The following GFRA1 variants were observed in gnomAD, a reference collection of about 807,000 sequenced individuals.
The protein encoded by GFRA1 is GDNF family receptor alpha 1, also known as GDNF family receptor alpha-1.
GFRA1 carries 16 observed loss-of-function variants against 51.6 expected under a neutral mutation model. The observed-to-expected ratio is 0.31, with a 90% CI of 0.21 to 0.47. The LOEUF (loss-of-function observed/expected upper bound fraction) is 0.47. Among genes scored for constraint, GFRA1 ranks in the 20% least tolerant of loss-of-function variants. The probability of loss-of-function intolerance (pLI) is 1.00; values close to 1 mark genes in which losing one functional copy is unlikely to be tolerated. For synonymous variants in GFRA1, 270 were observed against 241.3 expected (o/e 1.12, Z -1.10); for missense variants, 530 against 594.3 (o/e 0.89, Z 1.13).
chr10:116,240,041 T>A (rs1967225766), intron 4 of GFRA1, among the ~76,000 whole-genome samples: 1 of 152,056 alleles, frequency 6.6e-6, no homozygotes, highest in African/African-American at 2.4e-5. Context: ...TACAAGCAGG[T>A]GTTCGTCGAT....
chr10:116,072,332 T>A (rs183489684), intron 9 of GFRA1, among the ~76,000 whole-genome samples: 2 of 152,270 alleles, frequency 1.3e-5, no homozygotes, highest in East Asian at 3.9e-4. Flanking sequence ...TCTTGTGCAG[T>A]AGCCAGTATG....
chr10:116,184,571 C>T (rs559395778), intron 5 of GFRA1, among the ~76,000 whole-genome samples: 1 of 152,274 alleles, frequency 6.6e-6, no homozygotes, highest in African/African-American at 2.4e-5. Context: ...ATCTGGCCAC[C>T]AGAAAAAGCT....
chr10:116,068,758 A>G (rs886939595), intron 9 of GFRA1, among the ~76,000 whole-genome samples: 1 of 152,242 alleles, frequency 6.6e-6, no homozygotes, highest in African/African-American at 2.4e-5. Context: ...CATTTCTGAA[A>G]ACATCATCAA....
chr10:116,086,651 G>T (rs1173580621), intron 9 of GFRA1, among the ~76,000 whole-genome samples: 2 of 152,158 alleles, frequency 1.3e-5, no homozygotes, highest in Non-Finnish European at 2.9e-5. Context: ...GGCTCCCTGG[G>T]AGTCAAATGC....
intron 5 of GFRA1, among the ~76,000 whole-genome samples, chr10:116,147,311 G>A (rs1251024443): frequency 2.6e-5 from 4 of 152,134 alleles, no homozygotes; most frequent in Non-Finnish European, 5.9e-5. Flanking sequence ...CCTAGGGGGA[G>A]GGGAGTAGTA....
At chr10:116,133,942 AG>A (rs1358709802) in intron 5 of GFRA1, among the ~76,000 whole-genome samples, 1 of 152,218 alleles carries the variant, frequency 6.6e-6, no homozygotes, top group East Asian at 1.9e-4. Context: ...CCCAAGTAAG[AG>A]GCTATCACTG....
intron 5 of GFRA1, among the ~76,000 whole-genome samples, chr10:116,174,970 G>A (rs1471538011): frequency 1.3e-5 from 2 of 152,146 alleles, no homozygotes; most frequent in African/African-American, 2.4e-5. Flanking sequence ...GATCCTGCCT[G>A]CAAATGCGCT....
At chr10:116,200,101 T>C (rs905263339) in intron 5 of GFRA1, among the ~76,000 whole-genome samples, 53 of 152,362 alleles carry the variant, frequency 3.5e-4, no homozygotes, top group Non-Finnish European at 1.9e-4. Context: ...TCACAGTTTG[T>C]CCTTTCTCCT....
At position 116,121,358 on chromosome 10, in the gene GFRA1, C is replaced by G. The variant is rs184854524; in HGVS notation, c.770+3863G>C. 7.0e-4 allele frequency among the ~76,000 whole-genome samples: 107 copies of G among 152,252 alleles called. 1 individual carries two copies. The East Asian group carries it at 0.011, about 16-fold the overall frequency. ...CCTTCTAATAATACCTCTGCATTTG[C>G]TTTTCTGTAGACAAGCTTGGAGGCC... On this transcript the variant is annotated intron_variant, in intron 6 of 10. Transcript: ENST00000355422.
intron 4 of GFRA1, among the ~76,000 whole-genome samples, chr10:116,259,324 C>T (rs200875092): frequency 4.2e-4 from 60 of 143,908 alleles, no homozygotes; most frequent in African/African-American, 1.5e-3. Flanking sequence ...CTATGTATTC[C>T]TTTTTTTTTT....
At chr10:116,265,430 A>C (rs573636871) in intron 4 of GFRA1, among the ~76,000 whole-genome samples, 1 of 152,320 alleles carries the variant, frequency 6.6e-6, no homozygotes, top group Middle Eastern at 3.4e-3. Context: ...CTTGCTGCCA[A>C]AGAGGTGCTT....
At chr10:116,258,030 T>C (rs994364622) in intron 4 of GFRA1, among the ~76,000 whole-genome samples, 1 of 152,184 alleles carries the variant, frequency 6.6e-6, no homozygotes, top group Non-Finnish European at 1.5e-5. Flanking sequence ...GCAAGCCTTC[T>C]CTGACCGGCA....
intron 3 of GFRA1, 113 bp from the exon 4 acceptor site, chr10:116,269,699 G>A (rs1969946885): frequency 2.9e-5 from 21 of 721,298 alleles, no homozygotes; most frequent in Admixed American, 1.0e-4. Flanking sequence ...AAAAGACGCT[G>A]AAACTTTGAA....
At chr10:116,263,576 T>C (rs1431441063) in intron 4 of GFRA1, among the ~76,000 whole-genome samples, 10 of 152,178 alleles carry the variant, frequency 6.6e-5, no homozygotes, top group Admixed American at 2.0e-4. Flanking sequence ...CCCAGAGTGC[T>C]AGTAGAACGG....
intron 6 of GFRA1, among the ~76,000 whole-genome samples, chr10:116,100,272 C>T (rs2133924511): frequency 6.6e-6 from 1 of 152,322 alleles, no homozygotes; most frequent in African/African-American, 2.4e-5. Context: ...TGTATTCATA[C>T]ATTGGATTCT....
rs189169301 is a variant in GFRA1, at chr10:116,242,946, A to G, written c.418+26557T>C. On this transcript the variant is annotated intron_variant, in intron 4 of 10. Transcript: ENST00000355422. ...TGAAATTCCTACAACAGTCAAGTAA[A>G]TTAATATATCCATCTGTTTTCTCAA... 5.3e-5 allele frequency among the ~76,000 whole-genome samples: 8 copies of G among 152,320 alleles called. No individual in the cohort carries two copies. The East Asian group carries it at 1.5e-3, about 29-fold the overall frequency.
At chr10:116,205,970 A>ACACG (rs1555167784) in intron 5 of GFRA1, among the ~76,000 whole-genome samples, 6 of 149,564 alleles carry the variant, frequency 4.0e-5, no homozygotes, top group African/African-American at 9.9e-5. Flanking sequence ...ACACACACAC[A>ACACG]AAGTGAATCT....
intron 2 of GFRA1, among the ~76,000 whole-genome samples, chr10:116,271,530 C>T (rs988034140): frequency 6.6e-6 from 1 of 152,088 alleles, no homozygotes; most frequent in Non-Finnish European, 1.5e-5. Context: ...GCGGACTGGG[C>T]ACCGGGCGCG....
intron 5 of GFRA1, among the ~76,000 whole-genome samples, chr10:116,203,341 G>A (rs1964487467): frequency 1.3e-5 from 2 of 152,184 alleles, no homozygotes; most frequent in South Asian, 4.1e-4. Context: ...AGACATCAGG[G>A]GTTCAAGCAG....
Sources: gnomAD v4.1 joint callset for allele counts (sites outside exome capture counted in the v4.1 genomes callset) on GRCh38, gnomAD v4.1.1 for gene constraint, MANE v1.5 for transcripts, NCBI Gene and HGNC (gene_info 2026-07-23, HGNC 2026-07-21) for gene names.